Variants in SRFBP1 observed in about 807,000 individuals in gnomAD.
SRFBP1 encodes the protein serum response factor binding protein 1.
A neutral mutation model predicts 45.5 loss-of-function variants in SRFBP1; 47 were observed. That is an observed-to-expected ratio of 1.03 (90% CI 0.82 to 1.32). SRFBP1 has a LOEUF of 1.32. Among genes scored for constraint, SRFBP1 ranks in the 40% most tolerant of loss-of-function variants. The probability of loss-of-function intolerance (pLI) is 0.00; values close to 1 mark genes in which losing one functional copy is unlikely to be tolerated. For synonymous variants in SRFBP1, 203 were observed against 166.3 expected (o/e 1.22, Z -1.70); for missense variants, 621 against 484.6 (o/e 1.28, Z -2.64).
At chr5:122,040,550 A>G (rs537372272) in intron 2 of SRFBP1, among the ~76,000 whole-genome samples, 2 of 152,298 alleles carry the variant, frequency 1.3e-5, no homozygotes, top group South Asian at 4.1e-4. Flanking sequence ...CGACTACGGT[A>G]TGAATACTCA....
chr5:121,970,795 G>C (rs937393749), intron 1 of SRFBP1, among the ~76,000 whole-genome samples: 2 of 152,020 alleles, frequency 1.3e-5, no homozygotes, highest in African/African-American at 4.8e-5. Flanking sequence ...ACTATGTTAG[G>C]TGTTAAGATG....
chr5:122,034,654 C>T (rs539884160), intron 2 of SRFBP1, among the ~76,000 whole-genome samples: 1 of 151,716 alleles, frequency 6.6e-6, no homozygotes, highest in African/African-American at 2.4e-5. Flanking sequence ...TATTATTATA[C>T]CCTGTTCTCA....
At chr5:121,978,619 G>T (rs1028756387) in intron 3 of SRFBP1, among the ~76,000 whole-genome samples, 4 of 152,230 alleles carry the variant, frequency 2.6e-5, no homozygotes, top group Middle Eastern at 6.8e-3. Context: ...AGTCTCCTGA[G>T]TAACTGGGAC....
At chr5:122,059,687 G>C (rs143611255) in intron 2 of SRFBP1, among the ~76,000 whole-genome samples, 1 of 152,058 alleles carries the variant, frequency 6.6e-6, no homozygotes, top group Non-Finnish European at 1.5e-5. Context: ...GTATTTTGCT[G>C]CACTGTTCTC....
At chr5:122,004,132 T>C (rs1752933602) in intron 4 of SRFBP1, among the ~76,000 whole-genome samples, 1 of 152,126 alleles carries the variant, frequency 6.6e-6, no homozygotes, top group Admixed American at 6.5e-5. Flanking sequence ...ACTACAGTCA[T>C]GCGCCACCAT....
chr5:121,999,252 C>T (rs1186176872), intron 4 of SRFBP1, among the ~76,000 whole-genome samples: 1 of 152,064 alleles, frequency 6.6e-6, no homozygotes, highest in African/African-American at 2.4e-5. Flanking sequence ...AAATGTGTTG[C>T]TTAATTTCCA....
intron 2 of SRFBP1, among the ~76,000 whole-genome samples, chr5:122,071,337 G>C (rs1269272792): frequency 2.0e-5 from 3 of 152,032 alleles, no homozygotes; most frequent in African/African-American, 7.2e-5. Flanking sequence ...CTAGTAAGTG[G>C]CTAAGCTGGT....
chr5:122,007,378 G>C (rs1426480739), intron 4 of SRFBP1, among the ~76,000 whole-genome samples: 1 of 151,630 alleles, frequency 6.6e-6, no homozygotes, highest in Non-Finnish European at 1.5e-5. Context: ...TGGTACCATG[G>C]GGGCTGGCTG....
At chr5:122,019,387 G>C (rs1753255087) in intron 5 of SRFBP1, 46 bp downstream of exon 5, 4 of 1,445,842 alleles carry the variant, frequency 2.8e-6, no homozygotes, top group Non-Finnish European at 3.8e-6. Flanking sequence ...TGTATTTGTA[G>C]ACTTTGGATA....
chr5:122,044,484 C>T (rs1201637356), intron 2 of SRFBP1, among the ~76,000 whole-genome samples: 1 of 151,978 alleles, frequency 6.6e-6, no homozygotes, highest in East Asian at 1.9e-4. Flanking sequence ...GTAAGTATTC[C>T]CTTTTCTCCA....
Position 121,975,880 on chromosome 5 carries a change from G to GT in SRFBP1, c.198+503dup, listed in dbSNP as rs376036386. Reference sequence around the variant, plus strand: ...TAGACCAATGTGATCCCATATTTTTGTTTTTTTTTTCAGTCAGACTCTTCA... The same window carrying GT: ...TAGACCAATGTGATCCCATATTTTTGTTTTTTTTTTTCAGTCAGACTCTTCA... On this transcript the variant is annotated intron_variant, in intron 3 of 7. Transcript: ENST00000339397. Among the ~76,000 whole-genome samples, 952 of 143,960 alleles carry GT rather than the reference G, an allele frequency of 6.6e-3. 12 individuals are homozygous for GT. The highest frequency in any genetic ancestry group is 0.043 in the South Asian group (193 of 4,488). The allele number at this position is 143,960 out of a possible 152,430, so 94.4% of individuals were successfully genotyped here.
chr5:122,025,809 G>C (rs1331805881), intron 7 of SRFBP1, among the ~76,000 whole-genome samples: 1 of 152,086 alleles, frequency 6.6e-6, no homozygotes, highest in Admixed American at 6.5e-5. Context: ...TCTTTAAAAG[G>C]CTTCTGACAG....
chr5:122,003,743 A>G (rs577170442), intron 4 of SRFBP1, among the ~76,000 whole-genome samples: 2 of 152,202 alleles, frequency 1.3e-5, no homozygotes, highest in East Asian at 3.9e-4. Context: ...GCTTTTTTGT[A>G]GTAGCCATTC....
intron 4 of SRFBP1, among the ~76,000 whole-genome samples, chr5:122,003,044 A>T (rs988965099): frequency 6.6e-6 from 1 of 152,162 alleles, no homozygotes; most frequent in Non-Finnish European, 1.5e-5. Flanking sequence ...TATATAATTC[A>T]TTCATAAAGA....
chr5:122,077,958 G>C, downstream of SRFBP1: 1 of 1,476,184 alleles, frequency 6.8e-7, no homozygotes, highest in Non-Finnish European at 8.9e-7. The surrounding 1 kb of genome is among the most constrained non-coding windows in gnomAD (Gnocchi z 4.9). Context: ...AAAGGCCCGA[G>C]CAGGAGCACG....
chr5:122,019,313 T>C lies in SRFBP1; in HGVS notation c.324T>C (p.Leu108=). Residue 108 remains leucine (L), a synonymous_variant, in exon 5 of 8, where the codon CTT becomes CTC. Coordinates refer to ENST00000339397, the MANE Select transcript of SRFBP1 (RefSeq NM_152546.3). ...RAIARLAVHP[L]LKKKIDVLKA... ...TTGCCAGACTAGCAGTACATCCTCT[T>C]CTGAAGAAAAAGATAGATGTGCTAA... The C allele has an allele frequency of 4.3e-6, 7 of 1,612,428 alleles. No homozygotes were observed. The highest frequency in any genetic ancestry group is 5.9e-6 in the Non-Finnish European group (7 of 1,179,102).
chr5:122,025,374 G>A (rs1004547321), intron 7 of SRFBP1, among the ~76,000 whole-genome samples: 1 of 152,110 alleles, frequency 6.6e-6, no homozygotes, highest in Non-Finnish European at 1.5e-5. Context: ...TTGGACATTT[G>A]GGTTGGTTCC....
chr5:122,042,067 G>A (rs1753783067), intron 2 of SRFBP1, among the ~76,000 whole-genome samples: 2 of 151,702 alleles, frequency 1.3e-5, no homozygotes, highest in Admixed American at 1.3e-4. Flanking sequence ...ATTTTTTGTT[G>A]TTCTTTAAAC....
chr5:122,075,636 C>A (rs1377227088), downstream of SRFBP1: 15 of 776,378 alleles, frequency 1.9e-5, no homozygotes, highest in Non-Finnish European at 2.9e-5. Context: ...TAGTGACAAT[C>A]CTCCTTTCCC....
Sources: gnomAD v4.1 joint callset for allele counts (sites outside exome capture counted in the v4.1 genomes callset) on GRCh38, gnomAD v4.1.1 for gene constraint, Gnocchi (gnomAD v3.1) non-coding constraint, MANE v1.5 for transcripts, NCBI Gene and HGNC (gene_info 2026-07-23, HGNC 2026-07-21) for gene names.